Variants in NOS1 observed in about 807,000 individuals in gnomAD.
The protein encoded by NOS1 is NOS type I.
Under a neutral mutation model 164.5 loss-of-function variants are expected in NOS1, and 51 were observed. The ratio of observed to expected loss-of-function variants is 0.31; its 90% confidence interval spans 0.25 to 0.39. The LOEUF is 0.39. Among genes scored for constraint, NOS1 ranks in the 10% least tolerant of loss-of-function variants. The pLI, the probability that NOS1 is intolerant of heterozygous loss-of-function variation, is 1.00. For missense variants in NOS1, 1,362 were observed against 1,885.6 expected (o/e 0.72, Z 5.14); for synonymous variants, 719 against 745.8 (o/e 0.96, Z 0.59).
intron 22 of NOS1, among the ~76,000 whole-genome samples, chr12:117,230,768 CT>C (rs1316122740): frequency 2.0e-5 from 3 of 152,218 alleles, no homozygotes; most frequent in Non-Finnish European, 4.4e-5. Flanking sequence ...ATAGTCCCCC[CT>C]GCAGCTCCTC....
intron 16 of NOS1, 109 bp from the exon 17 acceptor site, chr12:117,253,863 G>A (rs556013952): frequency 4.1e-6 from 3 of 724,906 alleles, no homozygotes; most frequent in South Asian, 3.3e-5. Context: ...GCCTTCTCTT[G>A]TATGTTGAGT....
At chr12:117,231,628 GGTGAGATCCTGTTTC>G (rs1046918173) in intron 22 of NOS1, among the ~76,000 whole-genome samples, 1 of 152,132 alleles carries the variant, frequency 6.6e-6, no homozygotes, top group Non-Finnish European at 1.5e-5. Flanking sequence ...ACCAAGGCAT[GGTGAGATCCTGTTTC>G]TTTTTCTCCT....
At chr12:117,262,641 T>G (rs1231705766) in intron 13 of NOS1, among the ~76,000 whole-genome samples, 1 of 152,140 alleles carries the variant, frequency 6.6e-6, no homozygotes, top group Non-Finnish European at 1.5e-5. Flanking sequence ...ATGACACCTG[T>G]TGTACAACTA....
rs117860105 is a variant in NOS1 at position 117,209,409 on chromosome 12, C to T, written c.*5900G>A. 1 of 985,360 alleles carries T rather than the reference C, an allele frequency of 1.0e-6. No individual in the cohort carries two copies. The allele number at this position is 985,360 out of a possible 1,614,324, so 61.0% of individuals were successfully genotyped here. On this transcript the variant is annotated 3_prime_UTR_variant, in exon 29 of 29. Transcript: ENST00000317775. The stretch of plus-strand genomic sequence containing the variant: ...CCAATAGTGCTAAGGTTGACAGACC[C>T]TGCGCTACAGTCTCCTAGAACTTAG...
intron 14 of NOS1, among the ~76,000 whole-genome samples, 180 bp downstream of exon 14, chr12:117,260,285 T>C (rs1178958356): frequency 6.6e-6 from 1 of 152,274 alleles, no homozygotes; most frequent in Non-Finnish European, 1.5e-5. Flanking sequence ...CCTGGACTCA[T>C]GGGGACAGGG....
chr12:117,307,843 C>T (rs1874229220), intron 3 of NOS1, among the ~76,000 whole-genome samples: 1 of 151,670 alleles, frequency 6.6e-6, no homozygotes, highest in Non-Finnish European at 1.5e-5. Flanking sequence ...ATGGTGAAAC[C>T]CCATCTCCAA....
chr12:117,208,629 C>G lies in NOS1; in HGVS notation c.*6680G>C, dbSNP rs964281385. ...CATGGGAGGGGACTGAGACCCAGCT[C>G]AAGAGCACTGGATCTCAGTGAGTCT... On this transcript the variant is annotated 3_prime_UTR_variant, in exon 29 of 29. Transcript: ENST00000317775. 8.6e-7 allele frequency: 1 copy of G among 1,161,854 alleles called. No individual in the cohort carries two copies. Among genetic ancestry groups the G allele is most frequent in the Non-Finnish European group, 1.1e-6 (1 of 927,012 alleles). The allele number at this position is 1,161,854 out of a possible 1,614,324, so 72.0% of individuals were successfully genotyped here. A position where few individuals can be genotyped will look rare whatever the true frequency, so the allele number is the denominator to read the frequency against.
chr12:117,251,896 T>C (rs1871131022), intron 17 of NOS1, among the ~76,000 whole-genome samples: 1 of 152,016 alleles, frequency 6.6e-6, no homozygotes, highest in African/African-American at 2.4e-5. Context: ...CATGCCCAGC[T>C]AAGTTTTTAT....
At chr12:117,255,995 G>C in intron 16 of NOS1, 1 of 1,476,866 alleles carries the variant, frequency 6.8e-7, no homozygotes, top group Non-Finnish European at 8.9e-7. Context: ...CATTGGGGAG[G>C]GGAGGCCCTT....
At chr12:117,233,388 C>G (rs1408536362) in intron 21 of NOS1, among the ~76,000 whole-genome samples, 4 of 151,204 alleles carry the variant, frequency 2.6e-5, no homozygotes, top group Admixed American at 2.6e-4. Flanking sequence ...TGTAGAGATG[C>G]AGTTTTGCCA....
intron 1 of NOS1, among the ~76,000 whole-genome samples, chr12:117,360,114 C>A (rs1160716938): frequency 2.6e-5 from 4 of 151,332 alleles, no homozygotes; most frequent in Admixed American, 1.3e-4. Flanking sequence ...AAGGGTCGAT[C>A]TAGGACCAGA....
intron 1 of NOS1, among the ~76,000 whole-genome samples, chr12:117,351,951 T>C (rs1190377043): frequency 1.3e-5 from 2 of 152,030 alleles, no homozygotes; most frequent in East Asian, 1.9e-4. Context: ...GAGGCCCAGG[T>C]GGGTGGAATG....
intron 2 of NOS1, among the ~76,000 whole-genome samples, chr12:117,319,331 G>A (rs993978834): frequency 2.6e-5 from 4 of 152,210 alleles, no homozygotes; most frequent in Middle Eastern, 6.3e-3. Context: ...GATTACAGGC[G>A]TGAGCCCCCA....
Position 117,214,158 on chromosome 12 carries a change from C to T in NOS1, c.*1151G>A. On this transcript the variant is annotated 3_prime_UTR_variant, in exon 29 of 29. Transcript: ENST00000317775. ...CCACTTTAACCAGCTTCCATTATTT[C>T]ATCCCCAAGGGTGAAGCAGCAAGCC... is the stretch of plus-strand genomic sequence containing the variant. 1.0e-6 allele frequency: 1 copy of T among 985,400 alleles called. No individual in the cohort carries two copies. Among genetic ancestry groups the T allele is most frequent in the Non-Finnish European group, 1.2e-6 (1 of 829,940 alleles). The allele number at this position is 985,400 out of a possible 1,614,324, so 61.0% of individuals were successfully genotyped here.
At chr12:117,315,558 G>C (rs866601105) in intron 2 of NOS1, among the ~76,000 whole-genome samples, 4 of 152,126 alleles carry the variant, frequency 2.6e-5, no homozygotes, top group Admixed American at 2.0e-4. Context: ...GATTTAGTTC[G>C]ATTCTCAGCC....
In NOS1 at chr12:117,330,743, G is replaced by T; in HGVS notation, c.327C>A (p.Thr109=). 6.2e-7 allele frequency: 1 copy of T among 1,614,070 alleles called. No homozygotes were observed. Among genetic ancestry groups the T allele is most frequent in the Non-Finnish European group, 8.5e-7 (1 of 1,179,984 alleles). Residue 109 remains threonine (T), a synonymous_variant, in exon 2 of 29, where the codon ACC becomes ACA. Transcript: ENST00000317775. The surrounding 1 kb of genome is among the most constrained non-coding windows in gnomAD (Gnocchi z 4.6). The part of the protein sequence containing the change: ...GPEGFTTHLE[T]TFTGDGTPKT... ...TGGGGGTCCCATCACCTGTAAAGGT[G>T]GTCTCCAGGTGCGTGGTGAAACCTT...
At chr12:117,323,621 G>A (rs1875093492) in intron 2 of NOS1, among the ~76,000 whole-genome samples, 1 of 152,108 alleles carries the variant, frequency 6.6e-6, no homozygotes. Context: ...CACTTCTAGT[G>A]CTCCATAGAG....
chr12:117,254,522 G>A (rs533674855), intron 16 of NOS1, among the ~76,000 whole-genome samples: 107 of 152,342 alleles, frequency 7.0e-4, no homozygotes, highest in Admixed American at 1.2e-3. Flanking sequence ...GAGCTCCCAG[G>A]AGATGCCAGT....
chr12:117,353,004 T>C (rs1566088210), intron 1 of NOS1, among the ~76,000 whole-genome samples: 2 of 152,120 alleles, frequency 1.3e-5, no homozygotes, highest in Non-Finnish European at 2.9e-5. Context: ...TCTCTATCAG[T>C]CATCTATCTA....
Sources: allele counts gnomAD v4.1 joint callset (sites outside exome capture counted in the v4.1 genomes callset), GRCh38; gene constraint gnomAD v4.1.1; non-coding constraint Gnocchi (gnomAD v3.1); transcripts MANE v1.5; gene names NCBI Gene and HGNC (gene_info 2026-07-23, HGNC 2026-07-21).